Variants in MCC observed in about 807,000 individuals in gnomAD.
The protein encoded by MCC is colorectal mutant cancer protein.
In MCC, 90 loss-of-function variants were observed where a neutral mutation model predicts 116.2. The ratio of observed to expected loss-of-function variants is 0.77; its 90% CI spans 0.65 to 0.92. MCC has a LOEUF of 0.92. MCC is among the 40% of genes least tolerant of loss of function. The pLI, the probability that MCC is intolerant of heterozygous loss-of-function variation, is 0.00. For missense variants in MCC, 1,516 were observed against 1,312.2 expected (o/e 1.16, Z -2.40); for synonymous variants, 578 against 510.5 (o/e 1.13, Z -1.78).
intron 1 of MCC, chr5:113,435,571 C>T (rs538044635): frequency 2.0e-5 from 3 of 152,414 alleles, no homozygotes; most frequent in African/African-American, 7.2e-5. Flanking sequence ...CACAGGTGAC[C>T]CTCAGGAGTG....
At chr5:113,131,884 C>G (rs1758453813) in intron 5 of MCC, among the ~76,000 whole-genome samples, 1 of 152,164 alleles carries the variant, frequency 6.6e-6, no homozygotes. Flanking sequence ...AAGTGCCAGA[C>G]AACAGCTATC....
intron 3 of MCC, among the ~76,000 whole-genome samples, chr5:113,269,645 T>C (rs1765540826): frequency 1.3e-5 from 2 of 152,222 alleles, no homozygotes; most frequent in South Asian, 4.1e-4. Context: ...GTTAATACTG[T>C]TAATGAGTTT....
chr5:113,106,599 C>T (rs912167299), intron 6 of MCC, among the ~76,000 whole-genome samples: 1 of 152,092 alleles, frequency 6.6e-6, no homozygotes, highest in African/African-American at 2.4e-5. Context: ...GGAGTACAAT[C>T]CTGTGGAGTA....
intron 3 of MCC, among the ~76,000 whole-genome samples, chr5:113,220,702 TAACAA>T (rs1360356996): frequency 6.6e-6 from 1 of 152,344 alleles, no homozygotes; most frequent in East Asian, 1.9e-4. Context: ...TTATTAGTCC[TAACAA>T]AACAGTTTTC....
intron 14 of MCC, among the ~76,000 whole-genome samples, chr5:113,058,634 C>A (rs1753000471): frequency 6.6e-6 from 1 of 152,198 alleles, no homozygotes; most frequent in Admixed American, 6.5e-5. Context: ...GGTCTACGAG[C>A]AGGTCTCTGA....
chr5:113,086,376 T>C (rs1011786503), intron 8 of MCC, among the ~76,000 whole-genome samples: 6 of 152,254 alleles, frequency 3.9e-5, no homozygotes, highest in African/African-American at 1.4e-4. Flanking sequence ...ATGTGTGTTT[T>C]AGCAGAAGTG....
chr5:113,283,698 C>G (rs1203527951), intron 3 of MCC, among the ~76,000 whole-genome samples: 1 of 152,176 alleles, frequency 6.6e-6, no homozygotes, highest in Non-Finnish European at 1.5e-5. Context: ...TGCTAGGCTC[C>G]AACAATCTTT....
At chr5:113,283,312 C>G (rs1766121902) in intron 3 of MCC, among the ~76,000 whole-genome samples, 1 of 152,180 alleles carries the variant, frequency 6.6e-6, no homozygotes, top group African/African-American at 2.4e-5. Flanking sequence ...CAAAGAAACT[C>G]TGTAACTCAA....
chr5:113,064,987 C>A (rs1258718362), intron 13 of MCC, among the ~76,000 whole-genome samples: 1 of 152,150 alleles, frequency 6.6e-6, no homozygotes, highest in Admixed American at 6.5e-5. Flanking sequence ...AAGACCCTGT[C>A]TCCAAAACAA....
chr5:113,184,778 G>A (rs537494410), intron 3 of MCC, among the ~76,000 whole-genome samples: 3 of 152,152 alleles, frequency 2.0e-5, no homozygotes, highest in Non-Finnish European at 4.4e-5. Context: ...AATCCTTAGA[G>A]TCCACTGATG....
chr5:113,350,890 A>T (rs1243922033), intron 2 of MCC, among the ~76,000 whole-genome samples: 2 of 152,098 alleles, frequency 1.3e-5, no homozygotes, highest in Non-Finnish European at 2.9e-5. Context: ...ATGAATAGAG[A>T]TTTCTTAAAA....
intron 3 of MCC, among the ~76,000 whole-genome samples, chr5:113,322,383 T>C (rs1767441622): frequency 6.6e-6 from 1 of 152,206 alleles, no homozygotes; most frequent in Non-Finnish European, 1.5e-5. Flanking sequence ...CATGAATATA[T>C]TGAAACATAA....
intron 1 of MCC, among the ~76,000 whole-genome samples, chr5:113,411,756 G>A (rs573215242): frequency 3.7e-4 from 56 of 152,270 alleles, no homozygotes; most frequent in Non-Finnish European, 4.7e-4. Context: ...CTTTTGCTGT[G>A]CAGAAGCTCT....
chr5:113,230,990 G>A (rs1763920064), intron 3 of MCC, among the ~76,000 whole-genome samples: 1 of 152,078 alleles, frequency 6.6e-6, no homozygotes, highest in Non-Finnish European at 1.5e-5. Context: ...CCAGCTACAG[G>A]AATTTCTTGG....
chr5:113,353,502 G>A (rs954990698), intron 2 of MCC, among the ~76,000 whole-genome samples: 3 of 152,136 alleles, frequency 2.0e-5, no homozygotes, highest in Non-Finnish European at 2.9e-5. Context: ...CTACTTAAAT[G>A]TCAGTTCCCT....
At chr5:113,230,824 A>G (rs545425909) in intron 3 of MCC, among the ~76,000 whole-genome samples, 24 of 152,314 alleles carry the variant, frequency 1.6e-4, no homozygotes, top group African/African-American at 5.5e-4. Context: ...GAAAACTACC[A>G]TTCCATTGAC....
intron 1 of MCC, among the ~76,000 whole-genome samples, chr5:113,441,516 T>C (rs1354329525): frequency 6.6e-6 from 1 of 152,056 alleles, no homozygotes. Flanking sequence ...AGCACTTTTT[T>C]ATTATACTCA....
intron 3 of MCC, among the ~76,000 whole-genome samples, chr5:113,224,176 C>A (rs1763649716): frequency 6.6e-6 from 1 of 152,126 alleles, no homozygotes; most frequent in Non-Finnish European, 1.5e-5. Context: ...CTCACTGCAA[C>A]CTCCGCCTCC....
chr5:113,248,894 CTCAGCTCACT>C (rs72066932), intron 3 of MCC, among the ~76,000 whole-genome samples: 22,641 of 149,510 alleles, frequency 0.15, 2,035 homozygotes, highest in Admixed American at 0.28. Context: ...GCGGCATGAT[CTCAGCTCACT>C]GCAGCCTCTG....
Sources: allele counts gnomAD v4.1 joint callset (sites outside exome capture counted in the v4.1 genomes callset), GRCh38; gene constraint gnomAD v4.1.1; transcripts MANE v1.5; gene names NCBI Gene and HGNC (gene_info 2026-07-23, HGNC 2026-07-21).